Variants in SPAG6 observed in about 807,000 individuals in gnomAD.
The protein encoded by SPAG6 is sperm-associated antigen 6.
In SPAG6, 49 loss-of-function variants were observed where a neutral mutation model predicts 58.5. The observed-to-expected ratio is 0.84, with a 90% CI of 0.67 to 1.06. The LOEUF (loss-of-function observed/expected upper bound fraction) is 1.06, where lower values mean the gene tolerates loss of function less well. Among genes scored for constraint, SPAG6 ranks in the 50% least tolerant of loss-of-function variants. SPAG6 has a pLI of 0.00. For missense variants in SPAG6, 560 were observed against 611.3 expected (o/e 0.92, Z 0.89); for synonymous variants, 233 against 225.6 (o/e 1.03, Z -0.29).
chr10:22,411,174 G>A lies in SPAG6; in HGVS notation c.1458G>A (p.Val486=), dbSNP rs748911844. Residue 486 remains valine, a splice_region_variant and synonymous_variant, in exon 10 of 11, where the codon GTG becomes GTA. Transcript: ENST00000376624. ...SINSCYPEEI[V]RYYSPGYSDT... is the part of the protein sequence containing the mutation. ...ACAGTTGTTACCCCGAGGAAATAGT[G>A]AGGTGGGGAAAATGGACTTTGAAAC... 6.2e-7 allele frequency: 1 copy of A among 1,603,804 alleles called. No individual in the cohort carries two copies. Among genetic ancestry groups the A allele is most frequent in the Non-Finnish European group, 8.5e-7 (1 of 1,176,092 alleles).
chr10:22,356,232 A>G (rs1588635666), intron 2 of SPAG6, among the ~76,000 whole-genome samples: 4 of 152,222 alleles, frequency 2.6e-5, no homozygotes, highest in East Asian at 3.8e-4. Flanking sequence ...TAAGACATTT[A>G]TTCACACAAA....
At chr10:22,409,849 C>T (rs910012525) in intron 9 of SPAG6, among the ~76,000 whole-genome samples, 1 of 152,038 alleles carries the variant, frequency 6.6e-6, no homozygotes, top group African/African-American at 2.4e-5. Context: ...AACCTGCAAA[C>T]GTGCTCAAGT....
intron 2 of SPAG6, among the ~76,000 whole-genome samples, chr10:22,349,547 A>G (rs1471702354): frequency 6.6e-6 from 1 of 152,200 alleles, no homozygotes; most frequent in African/African-American, 2.4e-5. Flanking sequence ...AGTTCTGTTT[A>G]GGAGGTCTTT....
chr10:22,396,433 A>G (rs534788240), intron 8 of SPAG6, among the ~76,000 whole-genome samples: 4 of 152,276 alleles, frequency 2.6e-5, no homozygotes, highest in East Asian at 3.9e-4. Context: ...CTCCCCAGCC[A>G]TGTGGAACTG....
rs1564372441 is a variant in SPAG6, at chr10:22,386,892, C to G, written c.611C>G (p.Thr204Arg). Residue 204 changes from threonine to arginine, a missense_variant, in exon 5 of 11, where the codon ACA becomes AGA. Physicochemically the swap from Thr to Arg is moderately conservative, Grantham distance 71. Transcript: ENST00000376624. ...IAKHSPELAQTVVDAGAVAHL... is the reference protein window; with the variant it reads ...IAKHSPELAQRVVDAGAVAHL... ...AAGCATTCTCCAGAGTTAGCACAGA[C>G]AGTAGTGGATGCAGGAGCTGTTGCT... The G allele has an allele frequency of 6.2e-7, 1 of 1,613,832 alleles. No homozygotes were observed. The highest frequency in any genetic ancestry group is 1.3e-5 in the African/African-American group (1 of 75,016).
At chr10:22,346,430 G>GTGGTTC in intron 2 of SPAG6, among the ~76,000 whole-genome samples, 1 of 96,002 alleles carries the variant, frequency 1.0e-5, no homozygotes, top group East Asian at 3.2e-4. Flanking sequence ...AGAGAAAATG[G>GTGGTTC]TTCTTCTTCT....
intron 9 of SPAG6, among the ~76,000 whole-genome samples, chr10:22,407,362 G>T (rs997224729): frequency 2.6e-5 from 4 of 151,448 alleles, no homozygotes; most frequent in African/African-American, 9.7e-5. Context: ...GCATTTGCTT[G>T]TCTGTAAAGT....
At chr10:22,375,985 T>C (rs1199294319) in intron 4 of SPAG6, among the ~76,000 whole-genome samples, 1 of 152,218 alleles carries the variant, frequency 6.6e-6, no homozygotes, top group African/African-American at 2.4e-5. Context: ...ACTACAGTGT[T>C]CGCAGTATGG....
intron 3 of SPAG6, among the ~76,000 whole-genome samples, chr10:22,367,010 T>G (rs561572047): frequency 4.6e-4 from 61 of 133,190 alleles, no homozygotes; most frequent in South Asian, 2.3e-4. Flanking sequence ...TTTTGCTGGG[T>G]TTTTTTTTTT....
In SPAG6 at chr10:22,345,839, C is replaced by T. The variant is rs377387056; in HGVS notation, c.121+21C>T. 166 of 1,603,834 alleles carry T rather than the reference C, an allele frequency of 1.0e-4. 1 individual carries two copies. In the Admixed American group the frequency reaches 2.7e-3, roughly 26 times the overall value. On this transcript the variant is annotated intron_variant, in intron 2 of 10. Coordinates refer to ENST00000376624, the MANE Select transcript of SPAG6 (RefSeq NM_012443.4). This position sits in a 1 kb window ranked among gnomAD's most constrained non-coding sequence, Gnocchi z 6.3. ...CGCGGGTGAGCCCGGAGCCCGAACC[C>T]CCGTCGCCCCCCGCGCACTGAGTCC...
In SPAG6 at chr10:22,406,873, T is replaced by C. The variant is rs925400374; in HGVS notation, c.1315-4158T>C. Reference sequence around the variant, plus strand: ...TAGTTAGCTCTTCTTGTTGAATTGATCCCTTTACCATTATGTAATGGCCTT... The same window carrying C: ...TAGTTAGCTCTTCTTGTTGAATTGACCCCTTTACCATTATGTAATGGCCTT... On this transcript the variant is annotated intron_variant, in intron 9 of 10. Transcript: ENST00000376624. 4.6e-5 allele frequency among the ~76,000 whole-genome samples: 7 copies of C among 151,780 alleles called. No homozygotes were observed. The East Asian group carries it at 5.8e-4, about 13-fold the overall frequency.
chr10:22,359,338 AT>A, intron 2 of SPAG6: 1 of 370,330 alleles, frequency 2.7e-6, no homozygotes, highest in Non-Finnish European at 3.7e-6. Flanking sequence ...TGGAATTTGA[AT>A]TTTTAAAGCT....
chr10:22,401,926 A>G (rs1564378388), intron 9 of SPAG6, among the ~76,000 whole-genome samples: 1 of 152,210 alleles, frequency 6.6e-6, no homozygotes, highest in East Asian at 1.9e-4. Flanking sequence ...TAAGCTATCA[A>G]GAGCTGGCTA....
At chr10:22,404,616 C>T (rs1433812167) in intron 9 of SPAG6, among the ~76,000 whole-genome samples, 23 of 126,554 alleles carry the variant, frequency 1.8e-4, no homozygotes, top group South Asian at 1.2e-3. Flanking sequence ...CTTGGCAATG[C>T]GGGCTCTTTT....
At chr10:22,364,758 T>C (rs1392402557) in intron 2 of SPAG6, 95 bp from the exon 3 acceptor site, 3 of 837,078 alleles carry the variant, frequency 3.6e-6, no homozygotes, top group Non-Finnish European at 5.4e-6. Flanking sequence ...ACTGATTTTT[T>C]CCCTTTAATT....
At chr10:22,349,095 C>T (rs570172250) in intron 2 of SPAG6, among the ~76,000 whole-genome samples, 2 of 152,208 alleles carry the variant, frequency 1.3e-5, no homozygotes, top group Admixed American at 6.5e-5. Flanking sequence ...AGGATCCACC[C>T]GCCTCAGCCT....
intron 2 of SPAG6, among the ~76,000 whole-genome samples, chr10:22,353,811 A>T (rs1479391977): frequency 1.3e-5 from 2 of 152,256 alleles, no homozygotes; most frequent in Non-Finnish European, 2.9e-5. Flanking sequence ...GATATCGTTC[A>T]AGGGAGACAT....
Position 22,388,011 on chromosome 10 carries a change from C to T in SPAG6, c.852+15C>T. On this transcript the variant is annotated intron_variant, in intron 6 of 10. Transcript: ENST00000376624. The stretch of plus-strand genomic sequence containing the variant: ...ATACACCCGAGGTGAAAAGAAACTT[C>T]AAGGCACAATAATATGTAGTAGTTA... The T allele has an allele frequency of 6.3e-7, 1 of 1,593,328 alleles. No individual in the cohort carries two copies. The highest frequency in any genetic ancestry group is 8.5e-7 in the Non-Finnish European group (1 of 1,170,542).
intron 10 of SPAG6, among the ~76,000 whole-genome samples, chr10:22,413,708 T>TATATATATATATATATA (rs1564384103): frequency 1.3e-5 from 2 of 150,784 alleles, no homozygotes; most frequent in African/African-American, 5.0e-5. Context: ...TATATATATA[T>TATATATATATATATATA]TTCACCCACA....
Sources: gnomAD v4.1 joint callset for allele counts (sites outside exome capture counted in the v4.1 genomes callset) on GRCh38, gnomAD v4.1.1 for gene constraint, Gnocchi (gnomAD v3.1) non-coding constraint, MANE v1.5 for transcripts, NCBI Gene and HGNC (gene_info 2026-07-23, HGNC 2026-07-21) for gene names.